The following ZNF415 variants were observed in gnomAD, a reference collection of about 807,000 sequenced individuals.
ZNF415 encodes zinc finger protein 415.
ZNF415 carries 5 observed loss-of-function variants against 7.3 expected under a neutral mutation model. The ratio of observed to expected loss-of-function variants is 0.69; its 90% CI spans 0.36 to 1.44. ZNF415 has a LOEUF of 1.44. ZNF415 is among the 40% of genes most tolerant of loss of function. The pLI, the probability that ZNF415 is intolerant of heterozygous loss-of-function variation, is 0.04. For synonymous variants in ZNF415, 207 were observed against 226.3 expected (o/e 0.91, Z 0.77); for missense variants, 628 against 664.8 (o/e 0.94, Z 0.61).
At chr19:53,120,236 T>C (rs913104711) in intron 2 of ZNF415, among the ~76,000 whole-genome samples, 1 of 152,168 alleles carries the variant, frequency 6.6e-6, no homozygotes. Context: ...CATTACACAT[T>C]CTATGACACA....
At chr19:53,113,600 C>T (rs1419988242) in intron 3 of ZNF415, among the ~76,000 whole-genome samples, 1 of 151,734 alleles carries the variant, frequency 6.6e-6, no homozygotes, top group East Asian at 1.9e-4. Flanking sequence ...CATCATTCAG[C>T]TTCACAAGCT....
chr19:53,108,628 A>G lies in ZNF415; in HGVS notation c.1417T>C (p.Cys473Arg), dbSNP rs749148401. ...GAATGCACACTGAAGCCTTTGCCAC[A>G]TTGATTACATTTGTAAGGCTTCTCT... Reference protein sequence around the residue: ...TGEKPYKCNQCGKGFSVHSSL... With the variant: ...TGEKPYKCNQRGKGFSVHSSL... The change falls in exon 4 of 4, where the codon TGT becomes CGT. Residue 473 changes from cysteine (C) to arginine (R), a missense_variant. Coordinates refer to ENST00000243643, the MANE Select transcript of ZNF415 (RefSeq NM_018355.4). The G allele has an allele frequency of 9.3e-6, 15 of 1,614,088 alleles. No individual in the cohort carries two copies. Among genetic ancestry groups the G allele is most frequent in the Non-Finnish European group, 1.3e-5 (15 of 1,180,044 alleles).
intron 3 of ZNF415, among the ~76,000 whole-genome samples, chr19:53,114,347 T>C (rs2086683543): frequency 6.6e-6 from 1 of 152,120 alleles, no homozygotes; most frequent in South Asian, 2.1e-4. Flanking sequence ...TGGCTAACTT[T>C]TGTATTTTTA....
In ZNF415 at chr19:53,109,220, A is replaced by G. The variant is rs141428457; in HGVS notation, c.825T>C (p.Asn275=). The change falls in exon 4 of 4, where the codon AAT becomes AAC. Residue 275 remains asparagine, a synonymous_variant. Transcript: ENST00000243643. ...TGCGACTGAAACTTCTGTCACATTCATTACATTTGTATGGTTTCTCTCCAG... is the reference window on the plus strand; with the variant it reads ...TGCGACTGAAACTTCTGTCACATTCGTTACATTTGTATGGTTTCTCTCCAG... The part of the protein sequence containing the change: ...VHTGEKPYKC[N]ECDRSFSRNS... 26 of 1,613,970 alleles carry G rather than the reference A, an allele frequency of 1.6e-5. No homozygotes were observed. The Admixed American group carries it at 1.8e-4, about 11-fold the overall frequency.
chr19:53,113,424 G>A (rs1265040916), intron 3 of ZNF415, among the ~76,000 whole-genome samples: 1 of 37,538 alleles, frequency 2.7e-5, no homozygotes, highest in East Asian at 1.5e-3. Flanking sequence ...GGAGAATGGC[G>A]TGAACCCGGG....
intron 3 of ZNF415, chr19:53,115,416 C>T: frequency 2.4e-6 from 1 of 420,500 alleles, no homozygotes; most frequent in Middle Eastern, 3.8e-4. Flanking sequence ...CCTCCCGGAC[C>T]CCTCAGAGTG....
At position 53,118,433 on chromosome 19, in the gene ZNF415, TTAGAC is replaced by T. The variant is rs57018431; in HGVS notation, c.16-2005_16-2001del. On this transcript the variant is annotated intron_variant, in intron 2 of 3. Transcript: ENST00000243643. ...AGAAACACTGAATTTAAACTGCACTTTAGACTAAACAGATCTAAGAGATATTTACA... is the reference window on the plus strand; with the variant it reads ...AGAAACACTGAATTTAAACTGCACTTTAAACAGATCTAAGAGATATTTACA... 7.2e-3 allele frequency among the ~76,000 whole-genome samples: 1,092 copies of T among 152,266 alleles called. 13 individuals carry two copies. The highest frequency in any genetic ancestry group is 0.025 in the African/African-American group (1,022 of 41,566).
At chr19:53,125,331 C>T (rs1399169761) in intron 1 of ZNF415, among the ~76,000 whole-genome samples, 10 of 151,028 alleles carry the variant, frequency 6.6e-5, no homozygotes, top group East Asian at 2.0e-4. Context: ...TGTGAGCCAC[C>T]GCGCCTGGCC....
rs1237202532 is a variant in ZNF415 at position 53,127,050 on chromosome 19, G to A, written c.-67-4307C>T. On this transcript the variant is annotated intron_variant, in intron 1 of 3. Coordinates refer to ENST00000243643, the MANE Select transcript of ZNF415 (RefSeq NM_018355.4). ...AATGTGGCAGCTTTATCTTCCCAAG[G>A]ACAGTCCCAGTGGAAGCCTTTGGGC... 1.6e-4 allele frequency among the ~76,000 whole-genome samples: 20 copies of A among 127,474 alleles called. No homozygotes were observed. The East Asian group carries it at 4.4e-3, about 28-fold the overall frequency. The allele number at this position is 127,474 out of a possible 152,430, so 83.6% of individuals were successfully genotyped here. A position where few individuals can be genotyped will look rare whatever the true frequency, so the allele number is the denominator to read the frequency against.
intron 1 of ZNF415, chr19:53,129,814 C>T (rs1409063318): frequency 2.6e-6 from 1 of 386,122 alleles, no homozygotes; most frequent in African/African-American, 2.1e-5. Flanking sequence ...CCTGTAATCC[C>T]AGCACTTCGA....
Position 53,109,829 on chromosome 19 carries a change from T to C in ZNF415, c.216A>G (p.Thr72=), listed in dbSNP as rs763382779. 15 of 1,613,846 alleles carry C rather than the reference T, an allele frequency of 9.3e-6. No individual in the cohort carries two copies. The South Asian group carries it at 1.4e-4, about 15-fold the overall frequency. Residue 72 remains threonine, a synonymous_variant, in exon 4 of 4, where the codon ACA becomes ACG. Coordinates refer to ENST00000243643, the MANE Select transcript of ZNF415 (RefSeq NM_018355.4). The stretch of plus-strand genomic sequence containing the variant: ...TGTCATGTTTTTCATGTTGTTCCAA[T>C]GTCACTGTGTGGAATACTTCTCCTG... ...GNPGEVFHTV[T]LEQHEKHDIE... is the part of the protein sequence containing the mutation.
At chr19:53,129,274 A>G (rs1201608431) in intron 1 of ZNF415, among the ~76,000 whole-genome samples, 1 of 152,132 alleles carries the variant, frequency 6.6e-6, no homozygotes, top group Non-Finnish European at 1.5e-5. Context: ...CCCTGGACAC[A>G]GGGCTGTGGA....
intron 1 of ZNF415, 83 bp from the exon 2 acceptor site, chr19:53,122,826 G>A: frequency 8.9e-7 from 1 of 1,118,346 alleles, no homozygotes; most frequent in Non-Finnish European, 1.3e-6. Flanking sequence ...TACACAGGGA[G>A]GAGCTCGCCC....
intron 3 of ZNF415, 48 bp from the exon 4 acceptor site, chr19:53,109,956 A>G (rs767610314): frequency 7.0e-7 from 1 of 1,421,790 alleles, no homozygotes; most frequent in Non-Finnish European, 9.5e-7. Flanking sequence ...GAGACAGTAT[A>G]TAAATATTTC....
intron 1 of ZNF415, among the ~76,000 whole-genome samples, chr19:53,131,320 CAA>C (rs929598822): frequency 3.4e-4 from 52 of 152,208 alleles, no homozygotes; most frequent in African/African-American, 1.2e-3. Flanking sequence ...ATTAATGAGT[CAA>C]GTCACTTCCC....
intron 1 of ZNF415, among the ~76,000 whole-genome samples, chr19:53,131,425 C>T (rs2090060642): frequency 6.6e-6 from 1 of 152,160 alleles, no homozygotes; most frequent in Non-Finnish European, 1.5e-5. Context: ...TTGCAATTCT[C>T]ATCATCTGTG....
At chr19:53,121,173 A>C (rs929920152) in intron 2 of ZNF415, among the ~76,000 whole-genome samples, 3 of 150,348 alleles carry the variant, frequency 2.0e-5, no homozygotes, top group Non-Finnish European at 3.0e-5. Context: ...AGGCAGGCAG[A>C]TCATATGGTC....
At chr19:53,122,582 A>C (rs1169784385) in intron 2 of ZNF415, 80 bp downstream of exon 2, 2 of 1,608,584 alleles carry the variant, frequency 1.2e-6, no homozygotes, top group Non-Finnish European at 1.7e-6. Flanking sequence ...GACTCAGAGA[A>C]GATTTGCAGC....
In ZNF415 at chr19:53,109,282, G is replaced by C; in HGVS notation, c.763C>G (p.Gln255Glu). 6.2e-7 allele frequency: 1 copy of C among 1,614,066 alleles called. No homozygotes were observed. The highest frequency in any genetic ancestry group is 8.5e-7 in the Non-Finnish European group (1 of 1,180,012). ...KCDLCGKVFS[Q>E]KSNLARHWRV... ...CAATGACGCGCAAGGTTTGATTTTT[G>C]ACTAAAGACCTTGCCACACAGATCA... Residue 255 changes from glutamine to glutamate, a missense_variant, in exon 4 of 4, where the codon CAA becomes GAA. By Grantham distance (29) the Gln-to-Glu change is conservative. Coordinates refer to ENST00000243643, the MANE Select transcript of ZNF415 (RefSeq NM_018355.4).
Sources: gnomAD v4.1 joint callset for allele counts (sites outside exome capture counted in the v4.1 genomes callset) on GRCh38, gnomAD v4.1.1 for gene constraint, MANE v1.5 for transcripts, NCBI Gene and HGNC (gene_info 2026-07-23, HGNC 2026-07-21) for gene names.